The following STK32A variants were observed in gnomAD, a reference collection of about 807,000 sequenced individuals.
The protein encoded by STK32A is serine/threonine-protein kinase 32A.
A neutral mutation model predicts 53.2 loss-of-function variants in STK32A; 41 were observed. The ratio of observed to expected loss-of-function variants is 0.77; its 90% CI spans 0.60 to 1.00. STK32A has a LOEUF of 1.00. STK32A is among the 50% of genes least tolerant of loss of function. STK32A has a pLI of 0.00. For synonymous variants in STK32A, 166 were observed against 162.8 expected (o/e 1.02, Z -0.15); for missense variants, 458 against 485.8 (o/e 0.94, Z 0.54).
chr5:147,305,339 C>G (rs1310901834), intron 4 of STK32A, among the ~76,000 whole-genome samples: 1 of 152,158 alleles, frequency 6.6e-6, no homozygotes, highest in East Asian at 1.9e-4. Flanking sequence ...CCAGGCTCCT[C>G]CCCCTGCAAA....
intron 10 of STK32A, 141 bp downstream of exon 10, chr5:147,373,435 GA>G: frequency 8.3e-7 from 1 of 1,198,292 alleles, no homozygotes; most frequent in Non-Finnish European, 1.2e-6. Flanking sequence ...TGAGAGAATT[GA>G]GACATGCACA....
chr5:147,400,697 C>G, the STK32A span: 2 of 1,613,958 alleles, frequency 1.2e-6, no homozygotes, highest in Non-Finnish European at 1.7e-6. Flanking sequence ...CTTACCACAG[C>G]CTTGTCCCAG....
intron 7 of STK32A, among the ~76,000 whole-genome samples, chr5:147,361,001 G>C: frequency 6.6e-6 from 1 of 152,292 alleles, no homozygotes; most frequent in East Asian, 1.9e-4. Context: ...CAGAATGCTT[G>C]CTCCCTCTTT....
At chr5:147,348,518 TG>T (rs1755799831) in intron 6 of STK32A, among the ~76,000 whole-genome samples, 4 of 152,216 alleles carry the variant, frequency 2.6e-5, no homozygotes, top group Admixed American at 2.6e-4. Flanking sequence ...GCTGCTGATC[TG>T]GGCACTACAT....
chr5:147,246,877 C>G (rs1271654580), intron 2 of STK32A, among the ~76,000 whole-genome samples: 4 of 152,098 alleles, frequency 2.6e-5, no homozygotes, highest in African/African-American at 9.7e-5. Flanking sequence ...TTGGATGTTT[C>G]TAGTTAAAGT....
chr5:147,322,437 G>A (rs181189720), intron 4 of STK32A, among the ~76,000 whole-genome samples: 20 of 152,080 alleles, frequency 1.3e-4, no homozygotes, highest in African/African-American at 4.6e-4. Context: ...TTTTTCTGGT[G>A]TTTGTAAGTA....
At chr5:147,347,111 A>C (rs1755727946) in intron 6 of STK32A, among the ~76,000 whole-genome samples, 3 of 152,202 alleles carry the variant, frequency 2.0e-5, no homozygotes, top group Non-Finnish European at 4.4e-5. Flanking sequence ...TATTCTAAAC[A>C]CCTGCGAGTA....
At chr5:147,396,619 T>C in the STK32A span, among the ~76,000 whole-genome samples, 4 of 152,170 alleles carry the variant, frequency 2.6e-5, no homozygotes, top group Non-Finnish European at 4.4e-5. Context: ...AATGTGCAGA[T>C]GCTAATGATT....
At chr5:147,352,103 T>C (rs1229365231) in intron 7 of STK32A, among the ~76,000 whole-genome samples, 1 of 152,140 alleles carries the variant, frequency 6.6e-6, no homozygotes, top group Non-Finnish European at 1.5e-5. Flanking sequence ...TCCCAGCTGC[T>C]TTGGAAGCCA....
At chr5:147,324,379 A>G (rs1754476671) in intron 5 of STK32A, among the ~76,000 whole-genome samples, 2 of 152,200 alleles carry the variant, frequency 1.3e-5, no homozygotes, top group African/African-American at 4.8e-5. Context: ...TATTAAGTAA[A>G]TAATTAAATG....
intron 2 of STK32A, among the ~76,000 whole-genome samples, chr5:147,270,460 T>C (rs1216038725): frequency 6.6e-6 from 1 of 152,146 alleles, no homozygotes; most frequent in Admixed American, 6.5e-5. Context: ...GTGATTCTCC[T>C]GCCTCAGCCT....
chr5:147,341,152 C>T (rs1357707317), intron 5 of STK32A, among the ~76,000 whole-genome samples: 1 of 152,192 alleles, frequency 6.6e-6, no homozygotes, highest in Non-Finnish European at 1.5e-5. Context: ...GATCTTGCCT[C>T]TCTCAACTCT....
At chr5:147,342,622 G>C in intron 5 of STK32A, 1 of 178,258 alleles carries the variant, frequency 5.6e-6, no homozygotes, top group Non-Finnish European at 1.2e-5. Flanking sequence ...AGTTACACAA[G>C]AAAATGATGC....
intron 4 of STK32A, among the ~76,000 whole-genome samples, chr5:147,299,974 A>G (rs1054296791): frequency 2.0e-5 from 3 of 152,120 alleles, no homozygotes; most frequent in Non-Finnish European, 4.4e-5. Flanking sequence ...TAGTTCATAT[A>G]GCTCAGCCTT....
chr5:147,326,510 G>A (rs925658910), intron 5 of STK32A, among the ~76,000 whole-genome samples: 1 of 152,258 alleles, frequency 6.6e-6, no homozygotes, highest in Middle Eastern at 3.4e-3. Flanking sequence ...CCTCTCCTGA[G>A]GAGTTGTGAC....
chr5:147,290,865 A>G (rs1752568004), intron 4 of STK32A, among the ~76,000 whole-genome samples: 1 of 152,214 alleles, frequency 6.6e-6, no homozygotes, highest in Non-Finnish European at 1.5e-5. Flanking sequence ...CCCAGAATGT[A>G]CACTCCAATT....
chr5:147,273,337 A>G (rs1414579054), intron 2 of STK32A, among the ~76,000 whole-genome samples: 1 of 152,322 alleles, frequency 6.6e-6, no homozygotes, highest in Admixed American at 6.5e-5. Context: ...CTCTGATTCT[A>G]CCTTTGGGAT....
At chr5:147,296,634 C>G (rs1752881162) in intron 4 of STK32A, among the ~76,000 whole-genome samples, 1 of 152,092 alleles carries the variant, frequency 6.6e-6, no homozygotes, top group African/African-American at 2.4e-5. Flanking sequence ...CTCCTGAGAT[C>G]TTATCAGGAA....
chr5:147,317,851 A>C (rs547462315), intron 4 of STK32A, among the ~76,000 whole-genome samples: 34 of 152,196 alleles, frequency 2.2e-4, no homozygotes, highest in Non-Finnish European at 3.4e-4. Context: ...CAGGACAACT[A>C]CTAGCCTAGA....
Sources: gnomAD v4.1 joint callset for allele counts (sites outside exome capture counted in the v4.1 genomes callset) on GRCh38, gnomAD v4.1.1 for gene constraint, MANE v1.5 for transcripts, NCBI Gene and HGNC (gene_info 2026-07-23, HGNC 2026-07-21) for gene names.